The following SLC35G1 variants were observed in gnomAD, a reference collection of about 807,000 sequenced individuals.
SLC35G1 encodes the protein partner of STIM1.
A neutral mutation model predicts 17.1 loss-of-function variants in SLC35G1; 10 were observed. The observed-to-expected ratio is 0.59, with a 90% CI of 0.36 to 0.99. SLC35G1 has a LOEUF of 0.99. Ranked by LOEUF, SLC35G1 falls within the 50% of genes least tolerant of loss-of-function variation. The pLI is 0.01. For missense variants in SLC35G1, 433 were observed against 468.4 expected (o/e 0.92, Z 0.70); for synonymous variants, 185 against 181.1 (o/e 1.02, Z -0.18).
chr10:93,907,424 T>G (rs1201173540), downstream of SLC35G1: 1 of 152,196 alleles, frequency 6.6e-6, no homozygotes, highest in Non-Finnish European at 1.5e-5. Context: ...CCAGCCTGAT[T>G]TGTAATAGCA....
rs776384725 is a variant in SLC35G1, at chr10:93,898,607, T to C, written c.215T>C (p.Leu72Ser). ...AAAGCACCCTGTCCTGGACTTGGCT[T>C]GTTTTACACATTATTGTCTGCCTTC... ...KKKAPCPGLG[L>S]FYTLLSAFLF... Residue 72 changes from leucine (L) to serine (S), a missense_variant, in exon 2 of 3, where the codon TTG becomes TCG. Transcript: ENST00000427197. 2.5e-6 allele frequency: 4 copies of C among 1,610,552 alleles called. 1 individual carries two copies. Among genetic ancestry groups the C allele is most frequent in the Non-Finnish European group, 3.4e-6 (4 of 1,179,134 alleles).
chr10:93,904,659 A>T (rs1564594744), downstream of SLC35G1, among the ~76,000 whole-genome samples: 1 of 152,150 alleles, frequency 6.6e-6, no homozygotes, highest in Non-Finnish European at 1.5e-5. Context: ...AAAGCACTGG[A>T]TTGGGATCTG....
intron 2 of SLC35G1, among the ~76,000 whole-genome samples, chr10:93,899,387 T>C (rs1321950905): frequency 6.6e-6 from 1 of 152,074 alleles, no homozygotes; most frequent in Non-Finnish European, 1.5e-5. Flanking sequence ...CCCTCTCTGT[T>C]CTCTCCCAAC....
At position 93,901,563 on chromosome 10, in the gene SLC35G1, C is replaced by T. The variant is rs914447829; in HGVS notation, c.*73C>T. 5.6e-6 allele frequency: 8 copies of T among 1,439,166 alleles called. No individual in the cohort carries two copies. The African/African-American group carries it at 1.0e-4, about 18-fold the overall frequency. 89.1% of individuals were successfully genotyped at this position (1,439,166 alleles called of 1,614,324 possible). On this transcript the variant is annotated 3_prime_UTR_variant, in exon 3 of 3. Transcript: ENST00000427197. Reference sequence around the variant, plus strand: ...ATTCACATACAGCATACGCACACATCTGGAAAATCTGCATTTTCTTCATTG... The same window carrying T: ...ATTCACATACAGCATACGCACACATTTGGAAAATCTGCATTTTCTTCATTG...
chr10:93,900,642 C>A, intron 2 of SLC35G1, 110 bp from the exon 3 acceptor site: 1 of 825,024 alleles, frequency 1.2e-6, no homozygotes, highest in Non-Finnish European at 1.8e-6. Context: ...ATTTACTATT[C>A]CCTCATTTTT....
At chr10:93,896,256 A>G (rs1399251904) in intron 1 of SLC35G1, among the ~76,000 whole-genome samples, 1 of 152,122 alleles carries the variant, frequency 6.6e-6, no homozygotes, top group African/African-American at 2.4e-5. Context: ...TTGTCCTCCC[A>G]AGGTGCTGGG....
chr10:93,901,550 C>A lies in SLC35G1; in HGVS notation c.*60C>A. 6.7e-7 allele frequency: 1 copy of A among 1,488,214 alleles called. No individual in the cohort carries two copies. The highest frequency in any genetic ancestry group is 8.9e-7 in the Non-Finnish European group (1 of 1,117,590). The allele number at this position is 1,488,214 out of a possible 1,614,324, so 92.2% of individuals were successfully genotyped here. On this transcript the variant is annotated 3_prime_UTR_variant, in exon 3 of 3. Transcript: ENST00000427197. ...ACACCATCACCTAATTCACATACAG[C>A]ATACGCACACATCTGGAAAATCTGC...
intron 2 of SLC35G1, 41 bp downstream of exon 2, chr10:93,898,792 T>C (rs1424152740): frequency 1.2e-5 from 18 of 1,555,986 alleles, no homozygotes; most frequent in South Asian, 1.2e-5. Context: ...TATTAATAAA[T>C]GTGTGTATAT....
chr10:93,907,966 T>G (rs952128197), downstream of SLC35G1: 1 of 152,256 alleles, frequency 6.6e-6, no homozygotes, highest in Non-Finnish European at 1.5e-5. Context: ...TGCTTTAATC[T>G]GGGCTGTCAC....
chr10:93,901,055 C>T lies in SLC35G1; in HGVS notation c.663C>T (p.His221=), dbSNP rs779317261. The change falls in exon 3 of 3, where the codon CAC becomes CAT. Residue 221 remains histidine, a synonymous_variant. Transcript: ENST00000427197. ...GGATGGAAGAAAGCTATTCAGGCCA[C>T]CTTAAGGGAACATTCGCAGCAATTG... ...TSGMEESYSG[H]LKGTFAAIGS... 76 of 1,614,084 alleles carry T rather than the reference C, an allele frequency of 4.7e-5. No individual in the cohort carries two copies. The highest frequency in any genetic ancestry group is 6.2e-5 in the Non-Finnish European group (73 of 1,179,978).
Position 93,901,041 on chromosome 10 carries a change from A to C in SLC35G1, c.649A>C (p.Ser217Arg), listed in dbSNP as rs754545573. ...FGSDTSGMEE[S>R]YSGHLKGTFA... ...TTCCGACACTTCGGGGATGGAAGAAAGCTATTCAGGCCACCTTAAGGGAAC... is the reference window on the plus strand; with the variant it reads ...TTCCGACACTTCGGGGATGGAAGAACGCTATTCAGGCCACCTTAAGGGAAC... Residue 217 changes from serine to arginine, a missense_variant, in exon 3 of 3, where the codon AGC (serine) becomes CGC (arginine). Ser to Arg is a moderately radical substitution (Grantham distance 110). Transcript: ENST00000427197. 1 of 1,613,934 alleles carries C rather than the reference A, an allele frequency of 6.2e-7. No homozygotes were observed. Among genetic ancestry groups the C allele is most frequent in the Non-Finnish European group, 8.5e-7 (1 of 1,179,992 alleles).
At chr10:93,909,736 A>G (rs1040325856) in exon 3 of SLC35G1, 2 of 152,216 alleles carry the variant, frequency 1.3e-5, no homozygotes, top group African/African-American at 4.8e-5. Context: ...CTCATATACC[A>G]TAAGTGCAGA....
chr10:93,905,354 T>C (rs2060421935), downstream of SLC35G1, among the ~76,000 whole-genome samples: 1 of 152,116 alleles, frequency 6.6e-6, no homozygotes, highest in Non-Finnish European at 1.5e-5. Flanking sequence ...GATATATGAA[T>C]CCTGGACACT....
At chr10:93,905,677 C>T (rs1358774081), downstream of SLC35G1, among the ~76,000 whole-genome samples, 1 of 152,122 alleles carries the variant, frequency 6.6e-6, no homozygotes, top group African/African-American at 2.4e-5. Flanking sequence ...CACAGGAAAA[C>T]GTTCCACTGG....
chr10:93,904,833 T>TG (rs1439903138), downstream of SLC35G1, among the ~76,000 whole-genome samples: 1 of 152,222 alleles, frequency 6.6e-6, no homozygotes, highest in Non-Finnish European at 1.5e-5. Flanking sequence ...TGGTTAAGAC[T>TG]GTAGAATTGA....
Position 93,900,880 on chromosome 10 carries a change from C to T in SLC35G1, c.488C>T (p.Thr163Met), listed in dbSNP as rs1391420155. Residue 163 changes from threonine to methionine, a missense_variant, in exon 3 of 3, where the codon ACG becomes ATG. By Grantham distance (81) the Thr-to-Met change is moderately conservative. Transcript: ENST00000427197. ...TCCCTCGCTGATGCCACAGTTATCA[C>T]GTTTAGCAGTCCAGTGTTTACGTCC... ...TMSLADATVI[T>M]FSSPVFTSIF... is the part of the protein sequence containing the mutation. 21 of 1,614,038 alleles carry T rather than the reference C, an allele frequency of 1.3e-5. No homozygotes were observed. The highest frequency in any genetic ancestry group is 1.7e-5 in the Admixed American group (1 of 60,008).
In SLC35G1 at chr10:93,901,280, G is replaced by A. The variant is rs1428008017; in HGVS notation, c.888G>A (p.Leu296=). The change falls in exon 3 of 3, where the codon TTG becomes TTA. Residue 296 remains leucine (L), a synonymous_variant. Coordinates refer to ENST00000427197, the MANE Select transcript of SLC35G1 (RefSeq NM_001134658.3). Reference sequence around the variant, plus strand: ...TCATATTCATTGGGCTCTTTGGTTTGGGGGGTCAGATATTTATCACAAAAG... The same window carrying A: ...TCATATTCATTGGGCTCTTTGGTTTAGGGGGTCAGATATTTATCACAAAAG... ...LFLIFIGLFG[L]GGQIFITKAL... is the part of the protein sequence containing the mutation. 1 of 1,613,660 alleles carries A rather than the reference G, an allele frequency of 6.2e-7. No homozygotes were observed. The highest frequency in any genetic ancestry group is 2.2e-5 in the East Asian group (1 of 44,882).
Position 93,901,559 on chromosome 10 carries a change from A to G in SLC35G1, c.*69A>G. The G allele has an allele frequency of 6.9e-7, 1 of 1,458,530 alleles. No homozygotes were observed. The highest frequency in any genetic ancestry group is 9.1e-7 in the Non-Finnish European group (1 of 1,102,828). 90.3% of individuals were successfully genotyped at this position (1,458,530 alleles called of 1,614,324 possible). On this transcript the variant is annotated 3_prime_UTR_variant, in exon 3 of 3. Coordinates refer to ENST00000427197, the MANE Select transcript of SLC35G1 (RefSeq NM_001134658.3). ...CCTAATTCACATACAGCATACGCAC[A>G]CATCTGGAAAATCTGCATTTTCTTC...
chr10:93,900,256 A>G (rs56024804), intron 2 of SLC35G1, among the ~76,000 whole-genome samples: 29 of 152,320 alleles, frequency 1.9e-4, no homozygotes, highest in Non-Finnish European at 4.1e-4. Flanking sequence ...CATGAGATTG[A>G]GAATGAGCAT....
Sources: allele counts gnomAD v4.1 joint callset (sites outside exome capture counted in the v4.1 genomes callset), GRCh38; gene constraint gnomAD v4.1.1; transcripts MANE v1.5; gene names NCBI Gene and HGNC (gene_info 2026-07-23, HGNC 2026-07-21).